The following TCF20 variants were observed in gnomAD, a reference collection of about 807,000 sequenced individuals.
TCF20 encodes the protein transcription factor 20, also known as SPRE-binding protein.
In TCF20, 3 loss-of-function variants were observed where a neutral mutation model predicts 148.6. That is an observed-to-expected ratio of 0.02 (90% CI 0.01 to 0.05). The LOEUF (loss-of-function observed/expected upper bound fraction) is 0.05. Ranked by LOEUF, TCF20 falls within the 10% of genes least tolerant of loss-of-function variation. The probability of loss-of-function intolerance (pLI) is 1.00; values close to 1 mark genes in which losing one functional copy is unlikely to be tolerated. For missense variants in TCF20, 2,350 were observed against 2,429.3 expected (o/e 0.97, Z 0.69); for synonymous variants, 1,049 against 909.5 (o/e 1.15, Z -2.76).
intron 1 of TCF20, among the ~76,000 whole-genome samples, chr22:42,251,478 G>A (rs1311860472): frequency 7.0e-6 from 1 of 142,454 alleles, no homozygotes; most frequent in African/African-American, 2.6e-5. Flanking sequence ...CTCTGTACCT[G>A]GCCAAACAAG....
At chr22:42,268,006 T>G (rs1209473878) in intron 1 of TCF20, among the ~76,000 whole-genome samples, 1 of 151,862 alleles carries the variant, frequency 6.6e-6, no homozygotes, top group Non-Finnish European at 1.5e-5. Context: ...ATTAGCCGGG[T>G]GTGGTAGTGT....
chr22:42,242,616 G>A (rs574057149), intron 1 of TCF20, among the ~76,000 whole-genome samples: 4 of 151,982 alleles, frequency 2.6e-5, no homozygotes, highest in African/African-American at 9.6e-5. Context: ...GCCAGGCGAG[G>A]TGGCTCACAC....
intron 1 of TCF20, among the ~76,000 whole-genome samples, chr22:42,332,020 C>G (rs1927984584): frequency 6.6e-6 from 1 of 152,198 alleles, no homozygotes; most frequent in African/African-American, 2.4e-5. Flanking sequence ...GAACAGATGA[C>G]AGGAAGGAAG....
At chr22:42,321,042 T>C (rs1417884165) in intron 1 of TCF20, among the ~76,000 whole-genome samples, 1 of 152,162 alleles carries the variant, frequency 6.6e-6, no homozygotes, top group Non-Finnish European at 1.5e-5. Context: ...AGAATTTAAA[T>C]ACACAGGAGT....
At chr22:42,196,876 GA>G (rs1304472432) in intron 2 of TCF20, among the ~76,000 whole-genome samples, 2 of 152,178 alleles carry the variant, frequency 1.3e-5, no homozygotes, top group Non-Finnish European at 2.9e-5. Context: ...AGTTCGGCTG[GA>G]AATTTGTTAT....
Position 42,228,999 on chromosome 22 carries a change from G to A in TCF20, c.-36-13658C>T, listed in dbSNP as rs540725394. Among the ~76,000 whole-genome samples the A allele has an allele frequency of 1.2e-4, 19 of 152,260 alleles. No individual in the cohort carries two copies. In the South Asian group the frequency reaches 3.5e-3, roughly 28 times the overall value. ...CGGTGTAGTGTGTTTGTACTTGTCC[G>A]GCATTTGGTATGGCTGAACAAAAAG... On this transcript the variant is annotated intron_variant, in intron 1 of 5. Coordinates refer to ENST00000677622, the MANE Select transcript of TCF20 (RefSeq NM_001378418.1).
intron 1 of TCF20, among the ~76,000 whole-genome samples, chr22:42,253,740 T>A (rs1184230907): frequency 3.3e-5 from 5 of 152,146 alleles, no homozygotes; most frequent in Non-Finnish European, 5.9e-5. Flanking sequence ...GTAATAAATT[T>A]ATTAATTCAG....
rs182452091 is a variant in TCF20 at position 42,200,381 on chromosome 22, T to C, written c.5655+9270A>G. Among the ~76,000 whole-genome samples, 137 of 152,196 alleles carry C rather than the reference T, an allele frequency of 9.0e-4. 1 individual carries two copies. The Middle Eastern group carries it at 0.017, about 19-fold the overall frequency. ...ATCAACTTTAGCCGGGTGTGGTGAC[T>C]CACGCCTATAATCCCAGCACTTTGG... is the stretch of plus-strand genomic sequence containing the variant. On this transcript the variant is annotated intron_variant, in intron 2 of 5. Transcript: ENST00000677622.
Position 42,211,588 on chromosome 22 carries a change from G to A in TCF20, c.3718C>T (p.Pro1240Ser). 1.2e-6 allele frequency: 2 copies of A among 1,614,168 alleles called. No homozygotes were observed. Among genetic ancestry groups the A allele is most frequent in the Non-Finnish European group, 8.5e-7 (1 of 1,180,028 alleles). ...SKPGSVMLRL[P>S]GQEDHSSQNP... ...TGAGAAGAATGATCCTCCTGGCCTGGAAGTCTCAGCATAACACTACCAGGT... is the reference window on the plus strand; with the variant it reads ...TGAGAAGAATGATCCTCCTGGCCTGAAAGTCTCAGCATAACACTACCAGGT... The change falls in exon 2 of 6, where the codon CCA (proline) becomes TCA (serine). Residue 1240 changes from proline to serine, a missense_variant. Coordinates refer to ENST00000677622, the MANE Select transcript of TCF20 (RefSeq NM_001378418.1).
intron 3 of TCF20, among the ~76,000 whole-genome samples, chr22:42,175,951 C>T (rs980798562): frequency 2.0e-5 from 3 of 151,936 alleles, no homozygotes; most frequent in Admixed American, 6.6e-5. Flanking sequence ...AGGGCCACCA[C>T]GCCTGGCTAA....
In TCF20 at chr22:42,213,128, C is replaced by T. The variant is rs753893604; in HGVS notation, c.2178G>A (p.Gln726=). The change falls in exon 2 of 6, where the codon CAG becomes CAA. Residue 726 remains glutamine (Q), a synonymous_variant. Transcript: ENST00000677622. The stretch of plus-strand genomic sequence containing the variant: ...CTCCCTTTTCTTGCCCTGTAGGATA[C>T]TGAGGAAAGCCACTGACATTTCGTG... ...AVPRNVSGFP[Q]YPTGQEKGDF... is the part of the protein sequence containing the mutation. 6.2e-6 allele frequency: 10 copies of T among 1,614,034 alleles called. No homozygotes were observed. Among genetic ancestry groups the T allele is most frequent in the Non-Finnish European group, 8.5e-6 (10 of 1,180,040 alleles).
upstream of TCF20, among the ~76,000 whole-genome samples, chr22:42,272,018 C>T (rs1394691509): frequency 6.6e-6 from 1 of 152,218 alleles, no homozygotes; most frequent in Non-Finnish European, 1.5e-5. Flanking sequence ...GGAGCATGTA[C>T]TTGGGGAAGG....
chr22:42,259,604 T>A (rs1407936603), intron 1 of TCF20, among the ~76,000 whole-genome samples: 3 of 152,140 alleles, frequency 2.0e-5, no homozygotes, highest in African/African-American at 7.2e-5. Flanking sequence ...GCTTCCTCAG[T>A]TGTTTTCTAT....
At chr22:42,314,429 G>A (rs901932715) in intron 1 of TCF20, among the ~76,000 whole-genome samples, 4 of 152,268 alleles carry the variant, frequency 2.6e-5, no homozygotes, top group African/African-American at 7.2e-5. Context: ...CCACATCGCA[G>A]GCCCTCGGAG....
intron 1 of TCF20, among the ~76,000 whole-genome samples, chr22:42,219,770 C>T (rs1259055251): frequency 1.3e-5 from 2 of 152,104 alleles, no homozygotes; most frequent in Non-Finnish European, 2.9e-5. Flanking sequence ...GCAGGAGGAT[C>T]GCCTGAGCCT....
At chr22:42,309,702 A>AGCT (rs1927498975) in intron 1 of TCF20, among the ~76,000 whole-genome samples, 1 of 152,130 alleles carries the variant, frequency 6.6e-6, no homozygotes, top group Non-Finnish European at 1.5e-5. Context: ...TTCCAGTCTC[A>AGCT]GCTCAGACTT....
At chr22:42,295,682 C>T (rs181207038) in intron 1 of TCF20, among the ~76,000 whole-genome samples, 3,962 of 152,194 alleles carry the variant, frequency 0.026, 81 homozygotes, top group Middle Eastern at 0.078. Context: ...TCAAGTGATC[C>T]ACCCACCTCA....
intron 2 of TCF20, among the ~76,000 whole-genome samples, chr22:42,207,766 G>A (rs1315479165): frequency 6.6e-6 from 1 of 152,202 alleles, no homozygotes; most frequent in East Asian, 1.9e-4. Flanking sequence ...GGTGAGCTGA[G>A]ATTGCGCCAT....
intron 3 of TCF20, among the ~76,000 whole-genome samples, chr22:42,173,292 C>G (rs738257): frequency 5.9e-5 from 9 of 151,330 alleles, no homozygotes; most frequent in African/African-American, 1.7e-4. Flanking sequence ...TAACCCCCCC[C>G]ACCTGGAGCC....
Sources: gnomAD v4.1 joint callset for allele counts (sites outside exome capture counted in the v4.1 genomes callset) on GRCh38, gnomAD v4.1.1 for gene constraint, MANE v1.5 for transcripts, NCBI Gene and HGNC (gene_info 2026-07-23, HGNC 2026-07-21) for gene names.